Variants in GLIS3 observed in about 807,000 individuals in gnomAD.
GLIS3 encodes the protein zinc finger protein GLIS3.
Under a neutral mutation model 78.6 loss-of-function variants are expected in GLIS3, and 53 were observed. The observed-to-expected ratio is 0.67, with a 90% confidence interval of 0.54 to 0.85. The LOEUF (loss-of-function observed/expected upper bound fraction) is 0.85. Ranked by LOEUF, GLIS3 falls within the 40% of genes least tolerant of loss-of-function variation. The probability of loss-of-function intolerance (pLI) is 0.00; values close to 1 mark genes in which losing one functional copy is unlikely to be tolerated. For missense variants in GLIS3, 1,703 were observed against 1,231.1 expected, an observed-to-expected ratio of 1.38 and a Z score of -5.74; for synonymous variants, 684 against 509.9, an observed-to-expected ratio of 1.34 and a Z score of -4.60.
chr9:4,089,974 G>A (rs537995475), intron 4 of GLIS3, among the ~76,000 whole-genome samples: 3 of 152,226 alleles, frequency 2.0e-5, no homozygotes, highest in African/African-American at 7.2e-5. Context: ...CCATGCCCAC[G>A]GCAGAGGGGT....
chr9:4,264,962 C>T (rs536433758), intron 2 of GLIS3, among the ~76,000 whole-genome samples: 1 of 151,578 alleles, frequency 6.6e-6, no homozygotes, highest in South Asian at 2.1e-4. Context: ...GTCAGGAGAT[C>T]GAGACCATCC....
the GLIS3 span, among the ~76,000 whole-genome samples, chr9:4,433,994 G>A: frequency 6.6e-6 from 1 of 151,818 alleles, no homozygotes; most frequent in Admixed American, 6.6e-5. Flanking sequence ...TACTTGGGAG[G>A]CTGAGGCAGG....
the GLIS3 span, among the ~76,000 whole-genome samples, chr9:4,472,796 C>T: frequency 6.6e-5 from 10 of 151,752 alleles, no homozygotes; most frequent in South Asian, 2.1e-4. Flanking sequence ...ACAGATAACA[C>T]GTTTTATATA....
At chr9:3,910,833 T>C (rs1476353054) in intron 6 of GLIS3, among the ~76,000 whole-genome samples, 1 of 152,234 alleles carries the variant, frequency 6.6e-6, no homozygotes, top group Non-Finnish European at 1.5e-5. Context: ...CATCTAACAC[T>C]GCTTGACACA....
intron 4 of GLIS3, among the ~76,000 whole-genome samples, chr9:4,074,392 C>T (rs1165250186): frequency 6.6e-6 from 1 of 152,122 alleles, no homozygotes; most frequent in Admixed American, 6.5e-5. Context: ...TATCTGTAAA[C>T]ACTCACCTAC....
At chr9:3,914,478 C>A (rs891476131) in intron 6 of GLIS3, among the ~76,000 whole-genome samples, 1 of 151,948 alleles carries the variant, frequency 6.6e-6, no homozygotes, top group Non-Finnish European at 1.5e-5. Context: ...AAGTTTATTT[C>A]TTTATAATAT....
At chr9:4,269,197 G>A (rs1291336544) in intron 2 of GLIS3, among the ~76,000 whole-genome samples, 1 of 152,108 alleles carries the variant, frequency 6.6e-6, no homozygotes, top group African/African-American at 2.4e-5. Context: ...TCCTCTCAAT[G>A]TCTAATTTCA....
intron 2 of GLIS3, among the ~76,000 whole-genome samples, chr9:4,246,804 G>C (rs1312230227): frequency 6.6e-6 from 1 of 152,066 alleles, no homozygotes; most frequent in South Asian, 2.1e-4. Context: ...TGTTCTTTTG[G>C]ACCCCTGACA....
intron 2 of GLIS3, among the ~76,000 whole-genome samples, chr9:4,234,307 G>A (rs1822524501): frequency 6.6e-6 from 1 of 152,164 alleles, no homozygotes; most frequent in South Asian, 2.1e-4. Flanking sequence ...TGAGATATGT[G>A]CGACTCCTCC....
intron 2 of GLIS3, among the ~76,000 whole-genome samples, chr9:4,133,554 C>A (rs1188754583): frequency 6.6e-6 from 1 of 152,116 alleles, no homozygotes; most frequent in African/African-American, 2.4e-5. Context: ...CCACCACTGA[C>A]TAGCTGTGTG....
chr9:4,182,745 C>T (rs1038556522), intron 2 of GLIS3, among the ~76,000 whole-genome samples: 1 of 152,176 alleles, frequency 6.6e-6, no homozygotes, highest in Non-Finnish European at 1.5e-5. Context: ...GACTTAGCTA[C>T]CACTAATGTC....
intron 8 of GLIS3, among the ~76,000 whole-genome samples, chr9:3,865,111 A>C (rs1054291923): frequency 2.0e-5 from 3 of 152,206 alleles, no homozygotes; most frequent in Admixed American, 2.0e-4. Context: ...TCTGAGGGGA[A>C]GGATGAGTAA....
intron 4 of GLIS3, among the ~76,000 whole-genome samples, chr9:4,033,864 T>TAAAAAAAAAA (rs34745570): frequency 1.5e-5 from 1 of 67,980 alleles, no homozygotes; most frequent in Non-Finnish European, 2.5e-5. Context: ...AGGCGAAGGA[T>TAAAAAAAAAA]AAAAAAAAAA....
intron 2 of GLIS3, among the ~76,000 whole-genome samples, chr9:4,148,732 G>C (rs898440788): frequency 6.6e-6 from 1 of 152,122 alleles, no homozygotes; most frequent in Non-Finnish European, 1.5e-5. Flanking sequence ...GGTAGGTGGA[G>C]AGAGGGCTAC....
At chr9:4,263,739 G>A (rs908022689) in intron 2 of GLIS3, among the ~76,000 whole-genome samples, 1 of 152,082 alleles carries the variant, frequency 6.6e-6, no homozygotes, top group African/African-American at 2.4e-5. Flanking sequence ...CATCTTATCT[G>A]ACGTCTCAGC....
chr9:4,252,736 T>C (rs192348179), intron 2 of GLIS3, among the ~76,000 whole-genome samples: 1 of 152,226 alleles, frequency 6.6e-6, no homozygotes, highest in African/African-American at 2.4e-5. Context: ...ATTTCCCTCA[T>C]CTTCGTGGAT....
the GLIS3 span, among the ~76,000 whole-genome samples, chr9:4,468,906 G>A: frequency 6.6e-6 from 1 of 152,134 alleles, no homozygotes; most frequent in Non-Finnish European, 1.5e-5. Context: ...CACCTGCAGA[G>A]ACACATATAG....
chr9:4,211,205 C>G (rs931446255), intron 2 of GLIS3, among the ~76,000 whole-genome samples: 1 of 152,226 alleles, frequency 6.6e-6, no homozygotes, highest in Non-Finnish European at 1.5e-5. Flanking sequence ...AATACATGAA[C>G]TTGTGCCCTA....
intron 6 of GLIS3, among the ~76,000 whole-genome samples, chr9:3,923,971 A>G (rs556092201): frequency 4.6e-5 from 7 of 152,374 alleles, no homozygotes; most frequent in Non-Finnish European, 8.8e-5. Context: ...TACATTTTGC[A>G]TATAATTTCT....
Sources: gnomAD v4.1 joint callset for allele counts (sites outside exome capture counted in the v4.1 genomes callset) on GRCh38, gnomAD v4.1.1 for gene constraint, MANE v1.5 for transcripts, NCBI Gene and HGNC (gene_info 2026-07-23, HGNC 2026-07-21) for gene names.